Variants in TP63 observed in about 807,000 individuals in gnomAD.
TP63 encodes tumor protein 63.
In TP63, 17 loss-of-function variants were observed where a neutral mutation model predicts 82.8. That is an observed-to-expected ratio of 0.21 (90% CI 0.14 to 0.31). The LOEUF is 0.31. Among genes scored for constraint, TP63 ranks in the 10% least tolerant of loss-of-function variants. The pLI is 1.00. For synonymous variants in TP63, 330 were observed against 321.7 expected (o/e 1.03, Z -0.28); for missense variants, 648 against 895.3 (o/e 0.72, Z 3.52).
At chr3:189,777,491 C>T (rs549541182) in intron 3 of TP63, among the ~76,000 whole-genome samples, 1 of 152,336 alleles carries the variant, frequency 6.6e-6, no homozygotes, top group South Asian at 2.1e-4. Flanking sequence ...GCCACCATGC[C>T]TGGCCTCACC....
the TP63 span, among the ~76,000 whole-genome samples, chr3:189,619,310 T>C: frequency 6.6e-6 from 1 of 152,206 alleles, no homozygotes; most frequent in South Asian, 2.1e-4. Context: ...AGGGAAGCAC[T>C]AGCTCTTACT....
In TP63 at chr3:189,896,473, G is replaced by A; in HGVS notation, c.*1971G>A. On this transcript the variant is annotated 3_prime_UTR_variant, in exon 14 of 14. Transcript: ENST00000264731. ...TTATTATTTTTTTAAAATTTTGTAT[G>A]TTAAAGAGAATGAGTCCTTGATTTC... 4.9e-6 allele frequency: 1 copy of A among 202,324 alleles called. No individual in the cohort carries two copies. The highest frequency in any genetic ancestry group is 1.0e-5 in the Non-Finnish European group (1 of 98,320). 12.5% of individuals were successfully genotyped at this position (202,324 alleles called of 1,614,324 possible). A position where few individuals can be genotyped will look rare whatever the true frequency, so the allele number is the denominator to read the frequency against.
chr3:189,780,780 G>C (rs1372433106), intron 3 of TP63, among the ~76,000 whole-genome samples: 3 of 152,158 alleles, frequency 2.0e-5, no homozygotes, highest in African/African-American at 7.2e-5. Context: ...CCAGTTTTAA[G>C]AAACACTATG....
intron 1 of TP63, among the ~76,000 whole-genome samples, chr3:189,689,006 A>T (rs13320976): frequency 9.8e-4 from 144 of 146,362 alleles, no homozygotes; most frequent in African/African-American, 1.9e-3. Flanking sequence ...GCAGTGACAG[A>T]TGGGATTTTG....
chr3:189,677,317 T>G (rs376522818), intron 1 of TP63, among the ~76,000 whole-genome samples: 1 of 68,660 alleles, frequency 1.5e-5, no homozygotes, highest in African/African-American at 3.3e-5. Flanking sequence ...ATATATTCTA[T>G]ATACACACAC....
intron 3 of TP63, among the ~76,000 whole-genome samples, chr3:189,780,731 C>T (rs1476876882): frequency 6.6e-6 from 1 of 152,176 alleles, no homozygotes; most frequent in East Asian, 1.9e-4. Flanking sequence ...AGCCTGGTGA[C>T]ATTTGTGCCT....
intron 1 of TP63, among the ~76,000 whole-genome samples, chr3:189,633,369 A>C (rs113891137): frequency 1.3e-4 from 20 of 151,924 alleles, no homozygotes; most frequent in East Asian, 5.8e-4. Flanking sequence ...TCCTGATCCT[A>C]TCCCTCCTCC....
chr3:189,765,433 C>CTTGTTTTTTTTTTTT, intron 3 of TP63, among the ~76,000 whole-genome samples: 1 of 30,088 alleles, frequency 3.3e-5, no homozygotes, highest in Non-Finnish European at 5.9e-5. Flanking sequence ...CTGTCCTCTG[C>CTTGTTTTTTTTTTTT]TTTTTTTTTT....
At chr3:189,830,427 A>G (rs1712147328) in intron 4 of TP63, among the ~76,000 whole-genome samples, 1 of 152,234 alleles carries the variant, frequency 6.6e-6, no homozygotes, top group Non-Finnish European at 1.5e-5. Context: ...AAACCATTGG[A>G]AATTGGATAT....
intron 4 of TP63, among the ~76,000 whole-genome samples, chr3:189,854,324 G>A (rs1716026406): frequency 6.6e-6 from 1 of 152,158 alleles, no homozygotes; most frequent in South Asian, 2.1e-4. Context: ...CCCGCCTCCT[G>A]AGTTCAAGCA....
intron 4 of TP63, among the ~76,000 whole-genome samples, chr3:189,841,970 G>A (rs916451485): frequency 2.8e-4 from 43 of 152,162 alleles, no homozygotes; most frequent in African/African-American, 1.0e-3. Context: ...GTAGAAGCGT[G>A]ACTTCTTGAT....
chr3:189,813,686 G>A (rs920158378), intron 4 of TP63, among the ~76,000 whole-genome samples: 3 of 151,480 alleles, frequency 2.0e-5, no homozygotes, highest in African/African-American at 4.9e-5. Context: ...TTTTGCTGTT[G>A]TATCTTTCTC....
At chr3:189,800,895 G>C (rs987848841) in intron 3 of TP63, among the ~76,000 whole-genome samples, 1 of 152,012 alleles carries the variant, frequency 6.6e-6, no homozygotes, top group Non-Finnish European at 1.5e-5. Flanking sequence ...AGATTTCAGA[G>C]TTTTAAAATT....
intron 1 of TP63, among the ~76,000 whole-genome samples, chr3:189,653,599 A>G (rs544595638): frequency 6.6e-6 from 1 of 152,348 alleles, no homozygotes; most frequent in African/African-American, 2.4e-5. Context: ...AAACAAGTGC[A>G]GTCTCTTTTC....
intron 3 of TP63, among the ~76,000 whole-genome samples, chr3:189,787,911 T>C (rs1394591991): frequency 6.6e-6 from 1 of 151,912 alleles, no homozygotes; most frequent in African/African-American, 2.4e-5. Flanking sequence ...CAGAAATCTG[T>C]TTTTAAAAAG....
intron 4 of TP63, among the ~76,000 whole-genome samples, chr3:189,819,403 C>T (rs1728548264): frequency 6.6e-6 from 1 of 151,978 alleles, no homozygotes; most frequent in African/African-American, 2.4e-5. Flanking sequence ...ATTAACTTGT[C>T]ATTTAGCATT....
intron 1 of TP63, among the ~76,000 whole-genome samples, chr3:189,657,435 AG>A (rs1713481975): frequency 2.0e-5 from 3 of 152,150 alleles, no homozygotes; most frequent in African/African-American, 7.2e-5. Flanking sequence ...ACCTCACTGA[AG>A]GAGATGAAAA....
chr3:189,798,153 G>A (rs1157629493), intron 3 of TP63, among the ~76,000 whole-genome samples: 1 of 151,970 alleles, frequency 6.6e-6, no homozygotes, highest in Admixed American at 6.6e-5. Context: ...TTGCTTGAAG[G>A]GATATCTTCA....
At chr3:189,742,700 C>G (rs1721090466) in intron 3 of TP63, among the ~76,000 whole-genome samples, 1 of 152,194 alleles carries the variant, frequency 6.6e-6, no homozygotes, top group South Asian at 2.1e-4. Context: ...CTAGCCATAA[C>G]AATTTTGCAC....
Sources: gnomAD v4.1 joint callset for allele counts (sites outside exome capture counted in the v4.1 genomes callset) on GRCh38, gnomAD v4.1.1 for gene constraint, MANE v1.5 for transcripts, NCBI Gene and HGNC (gene_info 2026-07-23, HGNC 2026-07-21) for gene names.